SEMA6D: variants seen among roughly 807,000 people sequenced by gnomAD.
SEMA6D encodes the protein semaphorin-6D.
In SEMA6D, 35 loss-of-function variants were observed where a neutral mutation model predicts 106.6. The observed-to-expected ratio is 0.33, with a 90% CI of 0.25 to 0.44. The LOEUF (loss-of-function observed/expected upper bound fraction) is 0.44. Among genes scored for constraint, SEMA6D ranks in the 20% least tolerant of loss-of-function variants. The pLI is 1.00. For missense variants in SEMA6D, 1,185 were observed against 1,345.9 expected, an observed-to-expected ratio of 0.88 and a Z score of 1.87; for synonymous variants, 499 against 487.7, an observed-to-expected ratio of 1.02 and a Z score of -0.31.
At chr15:47,409,602 G>T (rs988923183) in intron 1 of SEMA6D, among the ~76,000 whole-genome samples, 1 of 152,194 alleles carries the variant, frequency 6.6e-6, no homozygotes, top group African/African-American at 2.4e-5. Flanking sequence ...TCCTAGAATT[G>T]TGAAGCTGGA....
At chr15:47,253,042 A>G (rs984526908) in intron 1 of SEMA6D, among the ~76,000 whole-genome samples, 2 of 151,960 alleles carry the variant, frequency 1.3e-5, no homozygotes, top group African/African-American at 4.8e-5. Context: ...CTTTCTCCAC[A>G]TTCTCACCAG....
In SEMA6D at chr15:47,314,836, T is replaced by C. The variant is rs1200422662; in HGVS notation, c.-238-97557T>C. Reference sequence around the variant, plus strand: ...CTAAACAGTCATCATCAAACCCAAATCATCTAGGTTTTCTTTTTTTTTTTT... The same window carrying C: ...CTAAACAGTCATCATCAAACCCAAACCATCTAGGTTTTCTTTTTTTTTTTT... On this transcript the variant is annotated intron_variant, in intron 1 of 19. Transcript: ENST00000558014. Among the ~76,000 whole-genome samples the C allele has an allele frequency of 2.1e-5, 3 of 141,448 alleles. No individual in the cohort carries two copies. The East Asian group carries it at 6.6e-4, about 31-fold the overall frequency. The allele number at this position is 141,448 out of a possible 152,430, so 92.8% of individuals were successfully genotyped here. A position where few individuals can be genotyped will look rare whatever the true frequency, so the allele number is the denominator to read the frequency against.
chr15:47,248,805 A>G (rs569375170), intron 1 of SEMA6D, among the ~76,000 whole-genome samples: 6 of 152,306 alleles, frequency 3.9e-5, no homozygotes, highest in African/African-American at 1.2e-4. Context: ...TGGGCATCCT[A>G]TCACTTCTCT....
intron 1 of SEMA6D, among the ~76,000 whole-genome samples, chr15:47,352,045 C>G (rs1408829569): frequency 6.7e-6 from 1 of 148,870 alleles, no homozygotes; most frequent in Non-Finnish European, 1.5e-5. Flanking sequence ...TTTAAACTTT[C>G]ACAGTCATCG....
chr15:47,634,176 CT>C (rs1365505873), intron 4 of SEMA6D, among the ~76,000 whole-genome samples: 4 of 152,050 alleles, frequency 2.6e-5, no homozygotes. Flanking sequence ...GTATGTTTAA[CT>C]TTCTGTTGGG....
At chr15:47,736,426 G>A (rs998221942) in intron 1 of SEMA6D, among the ~76,000 whole-genome samples, 5 of 152,202 alleles carry the variant, frequency 3.3e-5, no homozygotes, top group African/African-American at 1.2e-4. Context: ...AATAGATTCA[G>A]TGTTCCAAGC....
chr15:47,450,004 G>A (rs1176196724), intron 2 of SEMA6D, among the ~76,000 whole-genome samples: 2 of 152,072 alleles, frequency 1.3e-5, no homozygotes, highest in Non-Finnish European at 2.9e-5. Flanking sequence ...CCTAGTGAGA[G>A]TTATTTTAAG....
chr15:47,638,859 G>C, intron 4 of SEMA6D, among the ~76,000 whole-genome samples: 1 of 152,228 alleles, frequency 6.6e-6, no homozygotes, highest in Non-Finnish European at 1.5e-5. Flanking sequence ...TTGGCTGGCT[G>C]TTTGCTTTCA....
At chr15:47,444,979 T>A (rs2041987203) in intron 2 of SEMA6D, among the ~76,000 whole-genome samples, 1 of 152,090 alleles carries the variant, frequency 6.6e-6, no homozygotes, top group African/African-American at 2.4e-5. Context: ...AGCTCTCAGC[T>A]GGATGGATGG....
chr15:47,192,987 A>G (rs555728402), intron 1 of SEMA6D, among the ~76,000 whole-genome samples: 115 of 152,180 alleles, frequency 7.6e-4, no homozygotes, highest in African/African-American at 2.7e-3. Context: ...TGCTATCTCC[A>G]CTGCTATCCT....
chr15:47,709,111 A>G (rs185451804), intron 4 of SEMA6D, among the ~76,000 whole-genome samples: 1 of 152,262 alleles, frequency 6.6e-6, no homozygotes, highest in Admixed American at 6.5e-5. Flanking sequence ...GGGATCAGAA[A>G]GAGGGAAGAG....
chr15:47,375,492 T>A lies in SEMA6D; in HGVS notation c.-238-36901T>A, dbSNP rs574554626. ...ATCAAAGAAAACTACTTGTTTTACT[T>A]TTTTTCCTTCAATATGCCTGCTGAA... On this transcript the variant is annotated intron_variant, in intron 1 of 19. Coordinates refer to the SEMA6D transcript ENST00000558014. 1.2e-3 allele frequency among the ~76,000 whole-genome samples: 185 copies of A among 152,218 alleles called. 1 individual carries two copies. The highest frequency in any genetic ancestry group is 2.0e-3 in the Non-Finnish European group (133 of 68,042).
At chr15:47,762,960 C>G in intron 8 of SEMA6D, 56 bp from the exon 9 acceptor site, 1 of 1,334,514 alleles carries the variant, frequency 7.5e-7, no homozygotes, top group Non-Finnish European at 1.1e-6. Flanking sequence ...CAGTCGGGGT[C>G]TTATGCTAAT....
chr15:47,277,229 A>G (rs1004507975), intron 1 of SEMA6D, among the ~76,000 whole-genome samples: 4 of 152,152 alleles, frequency 2.6e-5, no homozygotes, highest in African/African-American at 9.6e-5. Flanking sequence ...AAAGATCTAG[A>G]CTATTATGCA....
rs187937084 is a variant in SEMA6D at position 47,349,525 on chromosome 15, G to T, written c.-238-62868G>T. ...CCCAGTGGTTCCCAGTAGTTCTGCT[G>T]CTTGAAGGGCCTTTGTCTGATTGTT... On this transcript the variant is annotated intron_variant, in intron 1 of 19. Transcript: ENST00000558014. 3.3e-5 allele frequency among the ~76,000 whole-genome samples: 5 copies of T among 152,248 alleles called. No individual in the cohort carries two copies. The East Asian group carries it at 9.7e-4, about 29-fold the overall frequency.
chr15:47,329,657 G>A (rs1037557), intron 1 of SEMA6D, among the ~76,000 whole-genome samples: 185 of 152,180 alleles, frequency 1.2e-3, no homozygotes, highest in African/African-American at 4.4e-3. Flanking sequence ...TCCCTTTGCA[G>A]CAGTGTTTCT....
At chr15:47,195,446 A>G (rs1353231146) in intron 1 of SEMA6D, among the ~76,000 whole-genome samples, 3 of 152,198 alleles carry the variant, frequency 2.0e-5, no homozygotes, top group African/African-American at 4.8e-5. Flanking sequence ...GCTCTTTGAC[A>G]TATATAATTT....
chr15:47,525,230 G>A (rs1566857487), intron 3 of SEMA6D: 1 of 152,178 alleles, frequency 6.6e-6, no homozygotes, highest in Non-Finnish European at 1.5e-5. Flanking sequence ...CACCTCAAGG[G>A]TAGCAAGAAT....
intron 1 of SEMA6D, among the ~76,000 whole-genome samples, chr15:47,197,483 A>G (rs1014213648): frequency 6.6e-6 from 1 of 151,868 alleles, no homozygotes; most frequent in African/African-American, 2.4e-5. Context: ...AATTTATCTC[A>G]AAGATTGAAC....
Sources: gnomAD v4.1 joint callset for allele counts (sites outside exome capture counted in the v4.1 genomes callset) on GRCh38, gnomAD v4.1.1 for gene constraint, MANE v1.5 for transcripts, NCBI Gene and HGNC (gene_info 2026-07-23, HGNC 2026-07-21) for gene names.